Variants in RNF115 observed in about 807,000 individuals in gnomAD.
RNF115 encodes the protein ring finger protein 115.
A neutral mutation model predicts 39.2 loss-of-function variants in RNF115; 31 were observed. That is an observed-to-expected ratio of 0.79 (90% CI 0.59 to 1.07). The LOEUF (loss-of-function observed/expected upper bound fraction) is 1.07, where lower values mean the gene tolerates loss of function less well. Among genes scored for constraint, RNF115 ranks in the 50% least tolerant of loss-of-function variants. RNF115 has a pLI of 0.00. For synonymous variants in RNF115, 124 were observed against 131.0 expected, an observed-to-expected ratio of 0.95 and a Z score of 0.37; for missense variants, 384 against 381.7, an observed-to-expected ratio of 1.01 and a Z score of -0.05.
chr1:145,765,020 G>A (rs1171745942), intron 4 of RNF115, among the ~76,000 whole-genome samples: 2 of 152,248 alleles, frequency 1.3e-5, no homozygotes, highest in African/African-American at 4.8e-5. Flanking sequence ...TCGGATTGTT[G>A]TTGTGTCTGT....
intron 7 of RNF115, among the ~76,000 whole-genome samples, chr1:145,749,771 AC>A (rs1658009712): frequency 6.6e-6 from 1 of 152,044 alleles, no homozygotes; most frequent in Admixed American, 6.6e-5. Context: ...ACTTTACCTG[AC>A]TCACACACCA....
intron 4 of RNF115, among the ~76,000 whole-genome samples, chr1:145,760,123 T>A (rs1356195455): frequency 1.3e-5 from 2 of 152,192 alleles, no homozygotes; most frequent in African/African-American, 2.4e-5. Flanking sequence ...TAATACACAA[T>A]GTCTGCTGAA....
At chr1:145,752,445 A>G (rs1658120196) in intron 5 of RNF115, among the ~76,000 whole-genome samples, 1 of 151,980 alleles carries the variant, frequency 6.6e-6, no homozygotes, top group Non-Finnish European at 1.5e-5. Flanking sequence ...CATTTCTAGC[A>G]CCCAAACATC....
chr1:145,764,521 C>G (rs1352031063), intron 4 of RNF115, among the ~76,000 whole-genome samples: 3 of 151,294 alleles, frequency 2.0e-5, no homozygotes, highest in Non-Finnish European at 4.4e-5. Flanking sequence ...CCCCTCCGCC[C>G]GGCAGCCGCC....
rs1258124431 is a variant in RNF115 at position 145,741,046 on chromosome 1, C to T, written c.*5820G>A. 5.3e-5 allele frequency: 8 copies of T among 152,210 alleles called. No homozygotes were observed. Among genetic ancestry groups the T allele is most frequent in the Non-Finnish European group, 1.0e-4 (7 of 68,052 alleles). The allele number at this position is 152,210 out of a possible 1,614,324, so 9.4% of individuals were successfully genotyped here. On this transcript the variant is annotated 3_prime_UTR_variant, in exon 9 of 9. Coordinates refer to ENST00000582693, the MANE Select transcript of RNF115 (RefSeq NM_014455.4). ...AGACATGGTGTTTTATTGTGCTGCC[C>T]AGGCTGGTCTCAAACTCCTGACCTC...
At chr1:145,782,185 G>A (rs1462534630) in intron 3 of RNF115, among the ~76,000 whole-genome samples, 2 of 152,112 alleles carry the variant, frequency 1.3e-5, no homozygotes, top group African/African-American at 4.8e-5. Context: ...GATTACAAGC[G>A]TAAGCCACCA....
intron 3 of RNF115, among the ~76,000 whole-genome samples, chr1:145,774,516 AT>A (rs1165252015): frequency 1.3e-5 from 2 of 151,482 alleles, no homozygotes; most frequent in African/African-American, 4.8e-5. Flanking sequence ...CGCCCCGCTA[AT>A]TTTTTATATT....
At chr1:145,823,508 GAA>G (rs35166837) in intron 1 of RNF115, among the ~76,000 whole-genome samples, 1 of 147,916 alleles carries the variant, frequency 6.8e-6, no homozygotes, top group Non-Finnish European at 1.5e-5. Flanking sequence ...AACTTGCTAA[GAA>G]AAAAAAAAAT....
At chr1:145,817,035 T>C (rs1200228727) in intron 1 of RNF115, among the ~76,000 whole-genome samples, 1 of 62,052 alleles carries the variant, frequency 1.6e-5, no homozygotes, top group African/African-American at 4.7e-5. Flanking sequence ...AGATAATGCA[T>C]AGGAGAATGG....
At chr1:145,776,090 AG>A (rs11374256) in intron 3 of RNF115, among the ~76,000 whole-genome samples, 7 of 147,358 alleles carry the variant, frequency 4.8e-5, no homozygotes, top group African/African-American at 1.0e-4. Flanking sequence ...CCACAGGGTA[AG>A]GGGGGGGCTA....
chr1:145,818,076 T>C (rs1650069346), intron 1 of RNF115, among the ~76,000 whole-genome samples: 1 of 151,360 alleles, frequency 6.6e-6, no homozygotes, highest in African/African-American at 2.4e-5. Context: ...AGTGCATGTG[T>C]CTTTTTGGTA....
At chr1:145,771,077 A>G (rs922881929) in intron 4 of RNF115, among the ~76,000 whole-genome samples, 2 of 152,190 alleles carry the variant, frequency 1.3e-5, no homozygotes, top group East Asian at 3.8e-4. Flanking sequence ...AAATTTTGAT[A>G]AATATACTGC....
chr1:145,775,974 G>A (rs1469529863), intron 3 of RNF115, among the ~76,000 whole-genome samples: 1 of 151,352 alleles, frequency 6.6e-6, no homozygotes, highest in Admixed American at 6.6e-5. Flanking sequence ...CTTCAGCCTG[G>A]GCAACAGAGC....
intron 4 of RNF115, among the ~76,000 whole-genome samples, chr1:145,766,175 A>C (rs868972510): frequency 1.4e-4 from 22 of 152,028 alleles, no homozygotes; most frequent in Admixed American, 4.6e-4. Context: ...GGGTACTTGA[A>C]ATTAGGGAGT....
rs191024407 is a variant in RNF115 at position 145,764,483 on chromosome 1, G to C, written c.428+7228C>G. On this transcript the variant is annotated intron_variant, in intron 4 of 8. Coordinates refer to ENST00000582693, the MANE Select transcript of RNF115 (RefSeq NM_014455.4). ...GGGATGTGAGGAGCGCCTCTGCCCG[G>C]CCGCGACCCCGTCTGGGAGGTGAGG... Among the ~76,000 whole-genome samples the C allele has an allele frequency of 1.3e-5, 2 of 152,158 alleles. 1 individual carries two copies. Among genetic ancestry groups the C allele is most frequent in the Admixed American group, 1.3e-4 (2 of 15,292 alleles).
At chr1:145,772,214 G>C (rs1379017435) in intron 3 of RNF115, 1 of 225,708 alleles carries the variant, frequency 4.4e-6, no homozygotes, top group Admixed American at 5.2e-5. Context: ...TGATGTCACA[G>C]GACTTTTTTT....
chr1:145,747,994 C>G lies in RNF115; in HGVS notation c.783+1G>C. 6.2e-7 allele frequency: 1 copy of G among 1,603,826 alleles called. No individual in the cohort carries two copies. Among genetic ancestry groups the G allele is most frequent in the Non-Finnish European group, 8.5e-7 (1 of 1,170,692 alleles). On this transcript the variant is annotated splice_donor_variant, in intron 8 of 8. Coordinates refer to ENST00000582693, the MANE Select transcript of RNF115 (RefSeq NM_014455.4). LOFTEE classifies it high-confidence loss of function. Reference sequence around the variant, plus strand: ...AAGAAGCCATGACTTGCTGTACTCACCAGTTCTAGCCACGGCACAATACAA... The same window carrying G: ...AAGAAGCCATGACTTGCTGTACTCAGCAGTTCTAGCCACGGCACAATACAA...
intron 3 of RNF115, among the ~76,000 whole-genome samples, chr1:145,779,147 T>C (rs1648009600): frequency 1.3e-5 from 2 of 151,508 alleles, no homozygotes; most frequent in South Asian, 4.2e-4. Flanking sequence ...ATAAATATAA[T>C]GTAGCCATTA....
intron 3 of RNF115, among the ~76,000 whole-genome samples, chr1:145,777,354 T>C (rs1553716707): frequency 6.6e-6 from 1 of 152,178 alleles, no homozygotes; most frequent in Non-Finnish European, 1.5e-5. Context: ...TATACAAAAT[T>C]TCTAAAGGAT....
Sources: gnomAD v4.1 joint callset for allele counts (sites outside exome capture counted in the v4.1 genomes callset) on GRCh38, gnomAD v4.1.1 for gene constraint, MANE v1.5 for transcripts, NCBI Gene and HGNC (gene_info 2026-07-23, HGNC 2026-07-21) for gene names.